CEP72: variants seen among roughly 807,000 people sequenced by gnomAD.
The protein encoded by CEP72 is centrosomal protein 72.
A neutral mutation model predicts 65.7 loss-of-function variants in CEP72; 78 were observed. The observed-to-expected ratio is 1.19, with a 90% confidence interval of 0.99 to 1.43. The LOEUF (loss-of-function observed/expected upper bound fraction) is 1.43, where lower values mean the gene tolerates loss of function less well. Ranked by LOEUF, CEP72 falls within the 40% of genes most tolerant of loss-of-function variation. The pLI is 0.00. For synonymous variants in CEP72, 358 were observed against 351.7 expected, an observed-to-expected ratio of 1.02 and a Z score of -0.20; for missense variants, 914 against 832.9, an observed-to-expected ratio of 1.10 and a Z score of -1.20.
Position 612,395 on chromosome 5 carries a change from G to T in CEP72, c.34G>T (p.Glu12Ter). The T allele has an allele frequency of 2.0e-6, 3 of 1,489,872 alleles. No individual in the cohort carries two copies. Among genetic ancestry groups the T allele is most frequent in the Non-Finnish European group, 1.8e-6 (2 of 1,124,986 alleles). 92.3% of individuals were successfully genotyped at this position (1,489,872 alleles called of 1,614,324 possible). A position where few individuals can be genotyped will look rare whatever the true frequency, so the allele number is the denominator to read the frequency against. The stretch of plus-strand genomic sequence containing the variant: ...GGCTGGCCCTCGGCTGGTGCTGAGC[G>T]AGGAGGCGGTTCGGGCGAAGAGCGG... ...ARAGPRLVLS[E>*]EAVRAKSGLG... is the part of the protein sequence containing the mutation. Residue 12 changes from glutamate (E) to a stop codon, truncating the protein, a stop_gained, in exon 1 of 12, where the codon GAG (glutamate) becomes TAG (stop). Coordinates refer to ENST00000264935, the MANE Select transcript of CEP72 (RefSeq NM_018140.4). LOFTEE classifies it high-confidence loss of function.
intron 10 of CEP72, 101 bp from the exon 11 acceptor site, chr5:647,704 G>A: frequency 1.3e-6 from 1 of 786,830 alleles, no homozygotes; most frequent in Non-Finnish European, 2.1e-6. Context: ...TTCTTTTTCT[G>A]GTAACCAAGA....
intron 3 of CEP72, chr5:665,437 T>TAAA: frequency 1.3e-6 from 1 of 769,214 alleles, no homozygotes; most frequent in South Asian, 1.9e-5. Flanking sequence ...ATGCCCCTTT[T>TAAA]AATTCTTATT....
At position 633,852 on chromosome 5, in the gene CEP72, A is replaced by G; in HGVS notation, c.596A>G (p.Asn199Ser). The G allele has an allele frequency of 6.2e-7, 1 of 1,613,930 alleles. No individual in the cohort carries two copies. Among genetic ancestry groups the G allele is most frequent in the Non-Finnish European group, 8.5e-7 (1 of 1,180,036 alleles). Residue 199 changes from asparagine to serine, a missense_variant, in exon 5 of 12, where the codon AAC becomes AGC. Asn to Ser is a conservative substitution (Grantham distance 46). Coordinates refer to ENST00000264935, the MANE Select transcript of CEP72 (RefSeq NM_018140.4). ...VMDADDEAVL[N>S]LIAECEWDLG... ...GATGCGGATGACGAGGCAGTCCTGA[A>G]CCTCATTGCAGAGTGCGAGTGGGAC... is the stretch of plus-strand genomic sequence containing the variant.
At chr5:642,350 C>T (rs1738109868) in intron 9 of CEP72, 1 of 985,236 alleles carries the variant, frequency 1.0e-6, no homozygotes, top group Non-Finnish European at 1.2e-6. Context: ...CACACATGGC[C>T]CCTTCTCTGG....
In CEP72 at chr5:624,105, C is replaced by A. The variant is rs1280060517; in HGVS notation, c.404-366C>A. ...CCAAAAGGCCTCCTGGAAGTTGCAG[C>A]CTCTCGGGCCGGGCAGGCTCCCTCC... is the stretch of plus-strand genomic sequence containing the variant. On this transcript the variant is annotated intron_variant, in intron 3 of 11. Coordinates refer to ENST00000264935, the MANE Select transcript of CEP72 (RefSeq NM_018140.4). The surrounding 1 kb of genome is among the most constrained non-coding windows in gnomAD (Gnocchi z 4.7). 6.6e-6 allele frequency among the ~76,000 whole-genome samples: 1 copy of A among 152,216 alleles called. No individual in the cohort carries two copies. Among genetic ancestry groups the A allele is most frequent in the Non-Finnish European group, 1.5e-5 (1 of 68,040 alleles).
chr5:675,241 T>TGTGA, the CEP72 span, among the ~76,000 whole-genome samples: 1 of 28,430 alleles, frequency 3.5e-5, no homozygotes, highest in South Asian at 1.5e-3. Flanking sequence ...GGGGGTGCAG[T>TGTGA]GCAGGGGGTA....
intron 1 of CEP72, among the ~76,000 whole-genome samples, chr5:617,009 C>T (rs986864607): frequency 6.6e-6 from 1 of 151,950 alleles, no homozygotes; most frequent in South Asian, 2.1e-4. Context: ...TGTGTGGTTG[C>T]AGGAGGGCTG....
At chr5:673,304 C>T in the CEP72 span, among the ~76,000 whole-genome samples, 6 of 152,294 alleles carry the variant, frequency 3.9e-5, no homozygotes, top group East Asian at 9.7e-4. Context: ...TGCTGCTGTA[C>T]ACCTGGGAGG....
chr5:665,982 G>T (rs765719946), exon 4 of CEP72: 2 of 1,501,148 alleles, frequency 1.3e-6, no homozygotes, highest in Non-Finnish European at 1.8e-6. Context: ...TCACCCCTGA[G>T]ATGATGGGCG....
At position 619,244 on chromosome 5, in the gene CEP72, G is replaced by A. The variant is rs1333946998; in HGVS notation, c.210+127G>A. 6.4e-5 allele frequency: 52 copies of A among 812,678 alleles called. No homozygotes were observed. In the Middle Eastern group the frequency reaches 1.2e-3, roughly 19 times the overall value. 50.3% of individuals were successfully genotyped at this position (812,678 alleles called of 1,614,324 possible). ...CTGTATACGGTACACTTTGTGTTGC[G>A]TATTTTTGTGTTTACCGTGGGCTAC... On this transcript the variant is annotated intron_variant, in intron 2 of 11. Coordinates refer to ENST00000264935, the MANE Select transcript of CEP72 (RefSeq NM_018140.4).
At position 642,237 on chromosome 5, in the gene CEP72, C is replaced by G. The variant is rs1489101760; in HGVS notation, c.1539+1633C>G. The G allele has an allele frequency of 7.2e-5, 56 of 773,450 alleles. 11 individuals carry two copies. The highest frequency in any genetic ancestry group is 8.4e-5 in the Non-Finnish European group (55 of 657,580). 47.9% of individuals were successfully genotyped at this position (773,450 alleles called of 1,614,324 possible). On this transcript the variant is annotated intron_variant, in intron 9 of 11. Transcript: ENST00000264935. ...CTGCATTTAAGCACACGTGGTCCCC[C>G]GTCCAGAAGCCTCTGCTTTTAAACC...
At chr5:675,141 G>GGGTGGCCAGGGGTGCAA in the CEP72 span, among the ~76,000 whole-genome samples, 1 of 52,932 alleles carries the variant, frequency 1.9e-5, no homozygotes, top group Non-Finnish European at 3.3e-5. Flanking sequence ...CAGGGGTGCA[G>GGGTGGCCAGGGGTGCAA]TGTGGCCAGG....
downstream of CEP72, among the ~76,000 whole-genome samples, chr5:668,204 TACCGACAA>T: frequency 8.6e-6 from 1 of 116,572 alleles, no homozygotes; most frequent in African/African-American, 3.3e-5. Flanking sequence ...GTCAGGGAAG[TACCGACAA>T]GCACACAGAG....
At chr5:653,793 A>C (rs1007853364), downstream of CEP72, among the ~76,000 whole-genome samples, 2 of 152,258 alleles carry the variant, frequency 1.3e-5, no homozygotes, top group East Asian at 3.8e-4. Context: ...TGTAGTTCTG[A>C]AAATTATGTC....
chr5:635,726 G>A (rs1419048027), intron 6 of CEP72, 142 bp downstream of exon 6: 2 of 666,176 alleles, frequency 3.0e-6, no homozygotes, highest in South Asian at 1.9e-5. Context: ...ACCTGGTGCT[G>A]GTCCTCCCAT....
chr5:647,059 A>G (rs528225363), intron 10 of CEP72, among the ~76,000 whole-genome samples: 1 of 152,344 alleles, frequency 6.6e-6, no homozygotes, highest in South Asian at 2.1e-4. Context: ...GTCCATCGAC[A>G]TAGACTTCAC....
intron 11 of CEP72, among the ~76,000 whole-genome samples, chr5:651,536 C>G (rs1013067505): frequency 6.6e-6 from 1 of 151,858 alleles, no homozygotes; most frequent in Non-Finnish European, 1.5e-5. Context: ...CACTGCAGTG[C>G]GTGTTCAGTT....
the CEP72 span, among the ~76,000 whole-genome samples, chr5:675,516 A>G: frequency 0.019 from 538 of 28,258 alleles, 22 homozygotes; most frequent in African/African-American, 0.095. Context: ...CAGTGTGACC[A>G]GGGGTGCAGT....
At position 624,538 on chromosome 5, in the gene CEP72, C is replaced by G. The variant is rs556043368; in HGVS notation, c.471C>G (p.Leu157=). The G allele has an allele frequency of 3.7e-6, 6 of 1,614,042 alleles. No individual in the cohort carries two copies. The African/African-American group carries it at 5.3e-5, about 14-fold the overall frequency. ...TGCATTTTGCATCAGAGGACTCACT[C>G]GACTCCAAAGAGAGCGTCCCAGCTT... ...SRLHFASEDS[L]DSKESVPASL... is the part of the protein sequence containing the mutation. Residue 157 remains leucine (L), a synonymous_variant, in exon 4 of 12, where the codon CTC becomes CTG. Transcript: ENST00000264935. This position sits in a 1 kb window ranked among gnomAD's most constrained non-coding sequence, Gnocchi z 4.7.
Sources: allele counts gnomAD v4.1 joint callset (sites outside exome capture counted in the v4.1 genomes callset), GRCh38; gene constraint gnomAD v4.1.1; non-coding constraint Gnocchi (gnomAD v3.1); transcripts MANE v1.5; gene names NCBI Gene and HGNC (gene_info 2026-07-23, HGNC 2026-07-21).